TENM2: variants seen among roughly 807,000 people sequenced by gnomAD.
TENM2 encodes teneurin transmembrane protein 2, also known as teneurin-2.
TENM2 carries 52 observed loss-of-function variants against 245.2 expected under a neutral mutation model. The ratio of observed to expected loss-of-function variants is 0.21; its 90% confidence interval spans 0.17 to 0.27. The LOEUF is 0.27. TENM2 is among the 10% of genes least tolerant of loss of function. The pLI, the probability that TENM2 is intolerant of heterozygous loss-of-function variation, is 1.00. For missense variants in TENM2, 3,046 were observed against 3,666.8 expected (o/e 0.83, Z 4.37); for synonymous variants, 1,363 against 1,438.9 (o/e 0.95, Z 1.19).
chr5:167,914,992 G>T (rs534834047), intron 3 of TENM2, among the ~76,000 whole-genome samples: 2 of 152,134 alleles, frequency 1.3e-5, no homozygotes, highest in African/African-American at 4.8e-5. Flanking sequence ...GGTCCTAGGG[G>T]TTAGGACATC....
intron 2 of TENM2, among the ~76,000 whole-genome samples, chr5:167,643,650 C>G (rs1282240104): frequency 2.0e-5 from 3 of 152,128 alleles, no homozygotes; most frequent in African/African-American, 7.2e-5. Flanking sequence ...ATTACACTTT[C>G]TTTCTCATTC....
the TENM2 span, among the ~76,000 whole-genome samples, chr5:167,123,777 C>T: frequency 1.1e-4 from 16 of 152,224 alleles, no homozygotes; most frequent in Non-Finnish European, 1.9e-4. Flanking sequence ...AAGGTTTATA[C>T]AGGTATATGC....
At chr5:167,902,179 G>C (rs944994634) in intron 3 of TENM2, among the ~76,000 whole-genome samples, 1 of 152,106 alleles carries the variant, frequency 6.6e-6, no homozygotes, top group African/African-American at 2.4e-5. Flanking sequence ...GGGGAGTGGG[G>C]TGGGGTGCAT....
intron 3 of TENM2, among the ~76,000 whole-genome samples, chr5:167,936,809 C>G (rs991682711): frequency 2.0e-5 from 3 of 152,182 alleles, no homozygotes; most frequent in African/African-American, 7.2e-5. Context: ...CTTACACACC[C>G]CAGCCCTGTC....
At chr5:167,385,777 G>A (rs1435118528) in intron 2 of TENM2, among the ~76,000 whole-genome samples, 1 of 151,578 alleles carries the variant, frequency 6.6e-6, no homozygotes, top group Non-Finnish European at 1.5e-5. Context: ...CCATCCCTGA[G>A]TTACTTCACT....
chr5:168,228,983 C>T (rs931778299), intron 25 of TENM2, among the ~76,000 whole-genome samples: 24 of 145,958 alleles, frequency 1.6e-4, no homozygotes, highest in Non-Finnish European at 3.4e-4. Flanking sequence ...TATACGTATA[C>T]ATAATATACA....
rs547444996 is a variant in TENM2 at position 168,220,461 on chromosome 5, G to A, written c.5108+1462G>A. Among the ~76,000 whole-genome samples, 6 of 152,278 alleles carry A rather than the reference G, an allele frequency of 3.9e-5. No homozygotes were observed. In the South Asian group the frequency reaches 8.3e-4, roughly 21 times the overall value. On this transcript the variant is annotated intron_variant, in intron 23 of 28. Transcript: ENST00000518659. ...TTTAATGAAAACATAGGCATGACTC[G>A]TAATTGTGTTTTAAAATGTTCAGAA...
the TENM2 span, among the ~76,000 whole-genome samples, chr5:167,080,676 T>C: frequency 6.6e-6 from 1 of 152,066 alleles, no homozygotes; most frequent in Admixed American, 6.6e-5. Context: ...ATAGAAGCAA[T>C]TTGAAAACAA....
chr5:167,526,114 T>C (rs1771091043), intron 2 of TENM2, among the ~76,000 whole-genome samples: 1 of 151,898 alleles, frequency 6.6e-6, no homozygotes, highest in Non-Finnish European at 1.5e-5. Context: ...CATTTATATA[T>C]TCATAAAAAT....
At chr5:167,435,959 C>CTTTTTCTTTT (rs1248631062) in intron 2 of TENM2, among the ~76,000 whole-genome samples, 1 of 135,806 alleles carries the variant, frequency 7.4e-6, no homozygotes, top group African/African-American at 2.8e-5. Context: ...GAAGAAATTT[C>CTTTTTCTTTT]TTTTTCTTTT....
chr5:168,016,115 G>A (rs576377248), intron 5 of TENM2, among the ~76,000 whole-genome samples: 2 of 152,236 alleles, frequency 1.3e-5, no homozygotes, highest in East Asian at 3.9e-4. Flanking sequence ...ACTCTATGCT[G>A]GTCACTAGGC....
chr5:167,232,270 C>A, the TENM2 span, among the ~76,000 whole-genome samples: 1 of 152,224 alleles, frequency 6.6e-6, no homozygotes, highest in South Asian at 2.1e-4. Context: ...CCAGAATGAT[C>A]GATTCACCAA....
At chr5:167,317,019 T>G (rs1756403720) in intron 1 of TENM2, among the ~76,000 whole-genome samples, 1 of 152,158 alleles carries the variant, frequency 6.6e-6, no homozygotes, top group African/African-American at 2.4e-5. Flanking sequence ...TCATCATCCC[T>G]TGGTCACTTT....
the TENM2 span, among the ~76,000 whole-genome samples, chr5:167,011,038 A>G: frequency 6.6e-6 from 1 of 152,234 alleles, no homozygotes; most frequent in Admixed American, 6.5e-5. Context: ...GGCTAATAAT[A>G]TACCTTGGCT....
chr5:166,979,852 A>C, the TENM2 span, among the ~76,000 whole-genome samples: 2 of 152,084 alleles, frequency 1.3e-5, no homozygotes. Context: ...GTTTCTCTCT[A>C]ATGTTCATCG....
intron 12 of TENM2, among the ~76,000 whole-genome samples, chr5:168,146,691 C>G (rs1445646950): frequency 6.6e-6 from 1 of 152,222 alleles, no homozygotes; most frequent in East Asian, 1.9e-4. Flanking sequence ...TTCTAATCCT[C>G]ATGTCAGTTT....
At chr5:167,041,570 A>C in the TENM2 span, among the ~76,000 whole-genome samples, 1 of 152,216 alleles carries the variant, frequency 6.6e-6, no homozygotes, top group East Asian at 1.9e-4. Flanking sequence ...GTTGTGAACA[A>C]TTTAGCTTTA....
At chr5:167,740,943 G>A (rs755535576) in intron 2 of TENM2, among the ~76,000 whole-genome samples, 48 of 152,098 alleles carry the variant, frequency 3.2e-4, no homozygotes, top group African/African-American at 7.7e-4. Context: ...TCATTCCAAC[G>A]TGAGAACCTT....
rs138512551 is a variant in TENM2 at position 167,285,708 on chromosome 5, G to A, written c.226+645G>A. On this transcript the variant is annotated intron_variant, in intron 1 of 28. Coordinates refer to ENST00000518659, the Ensembl canonical transcript of TENM2. ...ACGTAGAATAAAGCAAAGCAGTGCT[G>A]AGAGGTGGTGTGACAAAGCTCACTC... 4.8e-4 allele frequency among the ~76,000 whole-genome samples: 73 copies of A among 152,342 alleles called. No individual in the cohort carries two copies. In the East Asian group the frequency reaches 0.013, roughly 27 times the overall value.
Sources: allele counts gnomAD v4.1 joint callset (sites outside exome capture counted in the v4.1 genomes callset), GRCh38; gene constraint gnomAD v4.1.1; transcripts MANE v1.5; gene names NCBI Gene and HGNC (gene_info 2026-07-23, HGNC 2026-07-21).